The following KALRN variants were observed in gnomAD, a reference collection of about 807,000 sequenced individuals.
KALRN encodes kalirin RhoGEF kinase.
A neutral mutation model predicts 353.7 loss-of-function variants in KALRN; 70 were observed. The observed-to-expected ratio is 0.20, with a 90% CI of 0.16 to 0.24. The LOEUF is 0.24. Among genes scored for constraint, KALRN ranks in the 10% least tolerant of loss-of-function variants. The pLI is 1.00. For synonymous variants in KALRN, 1,391 were observed against 1,434.8 expected (o/e 0.97, Z 0.69); for missense variants, 2,791 against 3,756.7 (o/e 0.74, Z 6.72).
chr3:124,475,300 C>T (rs1263376872), intron 26 of KALRN, among the ~76,000 whole-genome samples: 1 of 152,186 alleles, frequency 6.6e-6, no homozygotes, highest in African/African-American at 2.4e-5. Flanking sequence ...ATCTGACCCA[C>T]AAGATGAGTG....
intron 1 of KALRN, among the ~76,000 whole-genome samples, chr3:124,137,577 G>A (rs1209694006): frequency 6.6e-6 from 1 of 152,168 alleles, no homozygotes; most frequent in East Asian, 1.9e-4. Flanking sequence ...CCAAGTGTGA[G>A]GGCTGGGACT....
intron 58 of KALRN, among the ~76,000 whole-genome samples, chr3:124,715,049 T>C (rs142099662): frequency 1.1e-4 from 17 of 150,756 alleles, no homozygotes; most frequent in African/African-American, 2.9e-4. Context: ...GGAAAAGATA[T>C]AGTTTTTGCC....
At chr3:124,319,275 C>T (rs1241981460) in intron 6 of KALRN, among the ~76,000 whole-genome samples, 1 of 151,696 alleles carries the variant, frequency 6.6e-6, no homozygotes, top group Non-Finnish European at 1.5e-5. Context: ...AGTTCAGCCT[C>T]AGCAACATAG....
chr3:124,517,302 G>T (rs897952302), intron 33 of KALRN, among the ~76,000 whole-genome samples: 7 of 152,130 alleles, frequency 4.6e-5, no homozygotes, highest in Non-Finnish European at 7.3e-5. Context: ...TGCCACTTCA[G>T]CTTGATGCTG....
intron 1 of KALRN, among the ~76,000 whole-genome samples, chr3:124,139,463 C>G (rs932062046): frequency 6.6e-6 from 1 of 152,160 alleles, no homozygotes; most frequent in Non-Finnish European, 1.5e-5. Context: ...TGTGTACTAG[C>G]TATGTACTAG....
intron 51 of KALRN, among the ~76,000 whole-genome samples, chr3:124,693,585 T>C (rs139696335): frequency 2.6e-4 from 39 of 152,302 alleles, no homozygotes; most frequent in African/African-American, 9.4e-4. Context: ...CAGGCAGGAA[T>C]GTGAACAACT....
chr3:124,204,989 T>A (rs1379349668), intron 1 of KALRN, among the ~76,000 whole-genome samples: 2 of 152,244 alleles, frequency 1.3e-5, no homozygotes, highest in East Asian at 3.8e-4. Flanking sequence ...TAACATTTGC[T>A]TTTACTGTTT....
At chr3:124,554,088 G>A (rs2070898344) in intron 33 of KALRN, among the ~76,000 whole-genome samples, 1 of 152,248 alleles carries the variant, frequency 6.6e-6, no homozygotes, top group Admixed American at 6.5e-5. Context: ...AGGCACCGTG[G>A]CTTACGCCTG....
intron 33 of KALRN, among the ~76,000 whole-genome samples, chr3:124,509,409 A>G (rs974369813): frequency 6.6e-6 from 1 of 152,132 alleles, no homozygotes; most frequent in Non-Finnish European, 1.5e-5. Flanking sequence ...GAGTTTCACC[A>G]TGTTGGCCAG....
chr3:124,079,217 G>A lies in KALRN; in HGVS notation c.73+45404G>A, dbSNP rs556559399. ...GGGGATTTTTGCATCAAGGACAGAC[G>A]TGGGGATGAGGAACTGTATACAAGT... On this transcript the variant is annotated intron_variant, in intron 1 of 59. Coordinates refer to ENST00000682506, the MANE Select transcript of KALRN (RefSeq NM_001388419.1). 1.9e-4 allele frequency among the ~76,000 whole-genome samples: 29 copies of A among 152,286 alleles called. No homozygotes were observed. The South Asian group carries it at 2.5e-3, about 13-fold the overall frequency.
At chr3:124,464,857 C>CAAAA (rs4048324) in intron 25 of KALRN, among the ~76,000 whole-genome samples, 67 of 87,366 alleles carry the variant, frequency 7.7e-4, no homozygotes, top group African/African-American at 2.4e-3. Context: ...GCAATAGAAC[C>CAAAA]AAAAAAAAAA....
intron 1 of KALRN, among the ~76,000 whole-genome samples, chr3:124,160,785 G>A (rs1045713691): frequency 6.6e-6 from 1 of 152,182 alleles, no homozygotes; most frequent in Non-Finnish European, 1.5e-5. Flanking sequence ...TCAGTGCCCT[G>A]TCTGAGCAAG....
chr3:124,037,091 G>A (rs1288668795), intron 1 of KALRN, among the ~76,000 whole-genome samples: 1 of 152,172 alleles, frequency 6.6e-6, no homozygotes, highest in Non-Finnish European at 1.5e-5. Flanking sequence ...CTGATAACTG[G>A]GACCAGAAAC....
chr3:124,445,324 G>T (rs969953625), intron 19 of KALRN, among the ~76,000 whole-genome samples: 7 of 152,120 alleles, frequency 4.6e-5, no homozygotes, highest in African/African-American at 1.4e-4. Context: ...CAGGAAGCAG[G>T]AAGAAGACAT....
rs916943537 is a variant in KALRN at position 124,371,125 on chromosome 3, G to T, written c.1771-13720G>T. Among the ~76,000 whole-genome samples, 29 of 152,274 alleles carry T rather than the reference G, an allele frequency of 1.9e-4. 1 individual carries two copies. The highest frequency in any genetic ancestry group is 5.8e-4 in the African/African-American group (24 of 41,542). ...CAGAATTCATGTTGCTCTGATTGGG[G>T]CTGTTTGAAACTGATGTCTTATCCT... is the stretch of plus-strand genomic sequence containing the variant. On this transcript the variant is annotated intron_variant, in intron 10 of 59. Coordinates refer to ENST00000682506, the MANE Select transcript of KALRN (RefSeq NM_001388419.1).
chr3:124,376,886 T>C (rs895938927), intron 10 of KALRN, among the ~76,000 whole-genome samples: 3 of 151,892 alleles, frequency 2.0e-5, no homozygotes, highest in Admixed American at 2.0e-4. Context: ...CAATTCTCCT[T>C]AGAAGACAAC....
chr3:124,486,075 G>C (rs1400591410), intron 28 of KALRN, among the ~76,000 whole-genome samples: 7 of 152,146 alleles, frequency 4.6e-5, no homozygotes, highest in Admixed American at 4.6e-4. Context: ...GGTATGGCGT[G>C]AAAGTAGAAA....
intron 30 of KALRN, 48 bp downstream of exon 30, chr3:124,490,932 C>A (rs2063089824): frequency 2.0e-6 from 3 of 1,527,856 alleles, no homozygotes; most frequent in East Asian, 4.5e-5. Flanking sequence ...TTTCATAGAA[C>A]CCATGGGCAG....
intron 10 of KALRN, among the ~76,000 whole-genome samples, chr3:124,359,160 T>A (rs1300215696): frequency 6.6e-6 from 1 of 152,208 alleles, no homozygotes; most frequent in African/African-American, 2.4e-5. Context: ...ACCCAAAAGG[T>A]GTCTATGCAG....
Sources: gnomAD v4.1 joint callset for allele counts (sites outside exome capture counted in the v4.1 genomes callset) on GRCh38, gnomAD v4.1.1 for gene constraint, MANE v1.5 for transcripts, NCBI Gene and HGNC (gene_info 2026-07-23, HGNC 2026-07-21) for gene names.